Variants in ERICH1 observed in about 807,000 individuals in gnomAD.
ERICH1 encodes the protein glutamate rich 1, also known as glutamate-rich protein 1.
A neutral mutation model predicts 39.6 loss-of-function variants in ERICH1; 56 were observed. The ratio of observed to expected loss-of-function variants is 1.41; its 90% CI spans 1.14 to 1.77. The LOEUF is 1.77. Ranked by LOEUF, ERICH1 falls within the 40% of genes most tolerant of loss-of-function variation. ERICH1 has a pLI of 0.00. For synonymous variants in ERICH1, 313 were observed against 223.6 expected (o/e 1.40, Z -3.57); for missense variants, 826 against 575.4 (o/e 1.44, Z -4.45).
chr8:654,427 A>G (rs1467268082), intron 3 of ERICH1, among the ~76,000 whole-genome samples: 2 of 152,070 alleles, frequency 1.3e-5, no homozygotes, highest in Admixed American at 6.5e-5. Flanking sequence ...TCGAGGGGCT[A>G]CGGTGCTGGG....
chr8:708,681 G>GGTTTTTTTTTTTTTTTT, intron 2 of ERICH1, among the ~76,000 whole-genome samples: 1 of 65,816 alleles, frequency 1.5e-5, no homozygotes, highest in South Asian at 6.1e-4. Context: ...GGGATAATGA[G>GGTTTTTTTTTTTTTTTT]TTTTTTTTTT....
At chr8:701,491 G>A (rs1812137010) in intron 2 of ERICH1, among the ~76,000 whole-genome samples, 1 of 152,238 alleles carries the variant, frequency 6.6e-6, no homozygotes, top group Non-Finnish European at 1.5e-5. Flanking sequence ...GCAGCTGGGA[G>A]GCTGAGCCAC....
intron 3 of ERICH1, among the ~76,000 whole-genome samples, chr8:681,793 G>C (rs1418232320): frequency 4.6e-5 from 7 of 152,204 alleles, no homozygotes; most frequent in Non-Finnish European, 1.0e-4. Flanking sequence ...GCCCGGCTGA[G>C]CCTTCGTCAG....
At chr8:628,375 G>A (rs1276000025) in intron 3 of ERICH1, among the ~76,000 whole-genome samples, 2 of 152,200 alleles carry the variant, frequency 1.3e-5, no homozygotes, top group Non-Finnish European at 2.9e-5. Context: ...CATAACTTTT[G>A]GCCTCTTGAG....
rs1456885213 is a variant in ERICH1 at position 645,243 on chromosome 8, G to A, written c.976+23355C>T. On this transcript the variant is annotated intron_variant, in intron 3 of 3. Transcript: ENST00000522706. Reference sequence around the variant, plus strand: ...AGACGCGCTTTCCTTGCTTTGGGACGCACCTGCAAGGAGACCCAGTCCCCC... The same window carrying A: ...AGACGCGCTTTCCTTGCTTTGGGACACACCTGCAAGGAGACCCAGTCCCCC... 7.3e-5 allele frequency among the ~76,000 whole-genome samples: 5 copies of A among 68,068 alleles called. 2 individuals are homozygous for A. The highest frequency in any genetic ancestry group is 1.9e-4 in the African/African-American group (5 of 27,022). The allele number at this position is 68,068 out of a possible 152,430, so 44.7% of individuals were successfully genotyped here.
chr8:701,959 G>A (rs1273645232), intron 2 of ERICH1, among the ~76,000 whole-genome samples: 3 of 151,702 alleles, frequency 2.0e-5, no homozygotes, highest in Non-Finnish European at 4.4e-5. Context: ...GCATGGTGGC[G>A]GGCGCTACTC....
intron 3 of ERICH1, among the ~76,000 whole-genome samples, chr8:636,831 C>A (rs143458912): frequency 5.4e-4 from 83 of 152,338 alleles, no homozygotes; most frequent in African/African-American, 2.0e-3. Context: ...CGTCCAGAAT[C>A]CTCCATGACT....
chr8:622,285 T>C (rs1797331230), intron 3 of ERICH1, among the ~76,000 whole-genome samples: 1 of 152,074 alleles, frequency 6.6e-6, no homozygotes, highest in African/African-American at 2.4e-5. Context: ...CCACCCCCCA[T>C]TTATATGTTG....
exon 4 of ERICH1, chr8:615,241 C>A: frequency 2.9e-6 from 2 of 697,000 alleles, no homozygotes; most frequent in Admixed American, 2.1e-5. Context: ...GCCCCTCTCT[C>A]TTTCCTCTTC....
intron 3 of ERICH1, chr8:656,986 A>C (rs955760322): frequency 6.5e-6 from 2 of 308,592 alleles, no homozygotes; most frequent in Non-Finnish European, 9.5e-6. Flanking sequence ...CAATTTTACT[A>C]TTACTTAGCA....
chr8:620,366 A>G (rs1797207532), intron 3 of ERICH1, among the ~76,000 whole-genome samples: 1 of 152,164 alleles, frequency 6.6e-6, no homozygotes, highest in African/African-American at 2.4e-5. Context: ...TTAGATATAA[A>G]CCTAATAATC....
intron 1 of ERICH1, among the ~76,000 whole-genome samples, chr8:722,065 T>C (rs894120814): frequency 4.0e-5 from 6 of 151,856 alleles, no homozygotes; most frequent in Admixed American, 3.9e-4. Context: ...GACGACTCCG[T>C]GTCTGTCAGA....
chr8:674,149 A>G, intron 3 of ERICH1, 102 bp from the exon 4 acceptor site: 1 of 1,345,062 alleles, frequency 7.4e-7, no homozygotes, highest in Non-Finnish European at 9.9e-7. Flanking sequence ...GTTTTAGTAG[A>G]AAAAGAGTTT....
chr8:631,233 G>A (rs1271453292), intron 3 of ERICH1, among the ~76,000 whole-genome samples: 1 of 152,240 alleles, frequency 6.6e-6, no homozygotes, highest in Non-Finnish European at 1.5e-5. Context: ...TGTGTTTAAT[G>A]CCTGGGTGCT....
chr8:644,663 C>T (rs1372330458), intron 3 of ERICH1, among the ~76,000 whole-genome samples: 1 of 68,582 alleles, frequency 1.5e-5, no homozygotes, highest in African/African-American at 3.7e-5. Flanking sequence ...GTGTTCAGGG[C>T]GCAGCTGCGT....
chr8:622,149 G>C (rs1256774449), intron 3 of ERICH1, among the ~76,000 whole-genome samples: 1 of 152,158 alleles, frequency 6.6e-6, no homozygotes, highest in African/African-American at 2.4e-5. Flanking sequence ...TTGATCCCAG[G>C]AGTTTGAGAT....
intron 2 of ERICH1, among the ~76,000 whole-genome samples, chr8:709,098 T>C (rs2132282866): frequency 6.6e-6 from 1 of 152,284 alleles, no homozygotes. Context: ...ATTGTATACT[T>C]TGAATTGGTT....
intron 4 of ERICH1, among the ~76,000 whole-genome samples, chr8:672,503 C>A (rs964757966): frequency 3.9e-5 from 6 of 152,250 alleles, no homozygotes; most frequent in African/African-American, 1.4e-4. Flanking sequence ...AAATGCCTTG[C>A]TTAAATCTGG....
chr8:705,685 TCAA>T (rs201737204), intron 2 of ERICH1, among the ~76,000 whole-genome samples: 7 of 152,108 alleles, frequency 4.6e-5, no homozygotes, highest in East Asian at 3.9e-4. Context: ...GGGCAATTAG[TCAA>T]CAACAACAAC....
Sources: allele counts gnomAD v4.1 joint callset (sites outside exome capture counted in the v4.1 genomes callset), GRCh38; gene constraint gnomAD v4.1.1; transcripts MANE v1.5; gene names NCBI Gene and HGNC (gene_info 2026-07-23, HGNC 2026-07-21).